Variants in VAC14 observed in about 807,000 individuals in gnomAD.
The protein encoded by VAC14 is VAC14 component of PIKFYVE complex, also known as protein VAC14 homolog.
In VAC14, 47 loss-of-function variants were observed where a neutral mutation model predicts 85.3. The observed-to-expected ratio is 0.55, with a 90% confidence interval of 0.44 to 0.70. VAC14 has a LOEUF of 0.70. Ranked by LOEUF, VAC14 falls within the 30% of genes least tolerant of loss-of-function variation. The probability of loss-of-function intolerance (pLI) is 0.00; values close to 1 mark genes in which losing one functional copy is unlikely to be tolerated. For missense variants in VAC14, 861 were observed against 1,004.3 expected, an observed-to-expected ratio of 0.86 and a Z score of 1.93; for synonymous variants, 447 against 430.5, an observed-to-expected ratio of 1.04 and a Z score of -0.47.
chr16:70,785,801 C>G lies in VAC14; in HGVS notation c.324G>C (p.Arg108Ser), dbSNP rs759921037. 2 of 1,598,878 alleles carry G rather than the reference C, an allele frequency of 1.3e-6. No homozygotes were observed. The highest frequency in any genetic ancestry group is 1.7e-6 in the Non-Finnish European group (2 of 1,171,622). The stretch of plus-strand genomic sequence containing the variant: ...GGGCCTCGCAGGCATAGTAGCGCAG[C>G]CTGCTGTCTGCATCATTGAAGCAGG... ...VLTCFNDADS[R>S]LRYYACEALY... The change falls in exon 3 of 19, where the codon AGG (arginine) becomes AGC (serine). Residue 108 changes from arginine to serine, a missense_variant. Transcript: ENST00000261776.
intron 12 of VAC14, among the ~76,000 whole-genome samples, chr16:70,751,661 T>C (rs2031396823): frequency 6.6e-6 from 1 of 152,194 alleles, no homozygotes; most frequent in Non-Finnish European, 1.5e-5. Flanking sequence ...TTAGGGGCAT[T>C]AGCCAGAGAG....
chr16:70,794,988 A>G (rs1454051124), intron 1 of VAC14, among the ~76,000 whole-genome samples: 3 of 152,256 alleles, frequency 2.0e-5, no homozygotes, highest in African/African-American at 7.2e-5. Flanking sequence ...ATTGGGGTAC[A>G]CACATACCAC....
intron 14 of VAC14, among the ~76,000 whole-genome samples, chr16:70,700,971 G>A (rs538329304): frequency 3.9e-5 from 6 of 152,340 alleles, no homozygotes; most frequent in East Asian, 1.9e-4. Context: ...AGGAGGGTGC[G>A]GAGGGAGGGA....
intron 12 of VAC14, among the ~76,000 whole-genome samples, chr16:70,746,106 G>A (rs778264578): frequency 7.2e-5 from 11 of 152,214 alleles, no homozygotes; most frequent in Non-Finnish European, 1.3e-4. Flanking sequence ...AGCCATTCCT[G>A]TCAATGCAAA....
chr16:70,773,748 C>T (rs1211861478), intron 9 of VAC14, among the ~76,000 whole-genome samples: 1 of 151,618 alleles, frequency 6.6e-6, no homozygotes, highest in African/African-American at 2.4e-5. Context: ...TGTACATACC[C>T]ATAGTTCAAT....
At chr16:70,700,546 G>A (rs921309658) in intron 14 of VAC14, among the ~76,000 whole-genome samples, 18 of 152,184 alleles carry the variant, frequency 1.2e-4, no homozygotes, top group African/African-American at 2.9e-4. Context: ...GCCTGAGGAC[G>A]AGGAACAAGC....
At chr16:70,711,144 T>G (rs904987595) in intron 14 of VAC14, among the ~76,000 whole-genome samples, 4 of 152,196 alleles carry the variant, frequency 2.6e-5, no homozygotes, top group Non-Finnish European at 5.9e-5. Context: ...ATACCCTAAC[T>G]GAGGAACCCC....
Position 70,720,613 on chromosome 16 carries a change from A to G in VAC14, c.1661+10882T>C, listed in dbSNP as rs769456204. 3.3e-5 allele frequency among the ~76,000 whole-genome samples: 5 copies of G among 152,338 alleles called. No homozygotes were observed. The East Asian group carries it at 5.8e-4, about 18-fold the overall frequency. On this transcript the variant is annotated intron_variant, in intron 14 of 18. Coordinates refer to ENST00000261776, the MANE Select transcript of VAC14 (RefSeq NM_018052.5). ...GATGACTGTTCTTCCTTCAGAGGGA[A>G]AGGAGTGGATATGCAAATAGCAAGC...
intron 14 of VAC14, chr16:70,714,306 G>T (rs1205159367): frequency 2.0e-5 from 3 of 152,248 alleles, no homozygotes; most frequent in African/African-American, 7.2e-5. Context: ...TCCCGCGAGG[G>T]TCAGGGACTG....
Position 70,723,996 on chromosome 16 carries a change from C to T in VAC14, c.1661+7499G>A, listed in dbSNP as rs138105036. Among the ~76,000 whole-genome samples, 568 of 152,204 alleles carry T rather than the reference C, an allele frequency of 3.7e-3. 2 individuals carry two copies. The highest frequency in any genetic ancestry group is 0.015 in the South Asian group (71 of 4,830). ...AGGGGTCACCCTGAAGGACACATGG[C>T]CACCTCTTGCCAAGTTCACCTGTGA... On this transcript the variant is annotated intron_variant, in intron 14 of 18. Transcript: ENST00000261776.
chr16:70,784,059 A>G (rs1163303182), intron 5 of VAC14, 54 bp downstream of exon 5: 1 of 1,454,212 alleles, frequency 6.9e-7, no homozygotes, highest in Non-Finnish European at 9.7e-7. Context: ...AGTGTGCTAG[A>G]GAGCAGATTT....
intron 10 of VAC14, among the ~76,000 whole-genome samples, chr16:70,763,392 C>G (rs1452740699): frequency 6.6e-6 from 1 of 152,214 alleles, no homozygotes; most frequent in African/African-American, 2.4e-5. Context: ...AGGAGAAACC[C>G]TCTCCCAGTC....
At position 70,736,892 on chromosome 16, in the gene VAC14, G is replaced by A. The variant is rs374593408; in HGVS notation, c.1529-5265C>T. 3.5e-5 allele frequency among the ~76,000 whole-genome samples: 5 copies of A among 144,640 alleles called. No individual in the cohort carries two copies. In the South Asian group the frequency reaches 1.2e-3, roughly 35 times the overall value. 94.9% of individuals were successfully genotyped at this position (144,640 alleles called of 152,430 possible). A position where few individuals can be genotyped will look rare whatever the true frequency, so the allele number is the denominator to read the frequency against. ...GGAGGTGGGGAAAGGGGCCACACTTGAAGGGGCAGGGAGGGCGGGCTGGAC... is the reference window on the plus strand; with the variant it reads ...GGAGGTGGGGAAAGGGGCCACACTTAAAGGGGCAGGGAGGGCGGGCTGGAC... On this transcript the variant is annotated intron_variant, in intron 13 of 18. Coordinates refer to ENST00000261776, the MANE Select transcript of VAC14 (RefSeq NM_018052.5).
Position 70,778,066 on chromosome 16 carries a change from C to T in VAC14, c.1096+2724G>A, listed in dbSNP as rs576796054. On this transcript the variant is annotated intron_variant, in intron 9 of 18. Coordinates refer to ENST00000261776, the MANE Select transcript of VAC14 (RefSeq NM_018052.5). ...TCTCTGGGAACTAGTACAAAGTGAG[C>T]TTTTCATCTGCTGAAATGCTGTTTA... Among the ~76,000 whole-genome samples, 9 of 152,302 alleles carry T rather than the reference C, an allele frequency of 5.9e-5. No individual in the cohort carries two copies. The South Asian group carries it at 1.9e-3, about 32-fold the overall frequency.
chr16:70,759,112 G>A (rs2032108372), intron 12 of VAC14, among the ~76,000 whole-genome samples: 1 of 152,196 alleles, frequency 6.6e-6, no homozygotes, highest in South Asian at 2.1e-4. Context: ...AGGCTCTGCT[G>A]CGCCAGCTCT....
chr16:70,744,531 C>A lies in VAC14; in HGVS notation c.1420G>T (p.Ala474Ser), dbSNP rs770285832. The change falls in exon 13 of 19, where the codon GCA (alanine) becomes TCA (serine). Residue 474 changes from alanine to serine, a missense_variant. Physicochemically the swap from Ala to Ser is moderately conservative, Grantham distance 99. This residue lies in a region of VAC14 where 629 missense variants were observed against 703.1 expected (regional missense o/e 0.89). Transcript: ENST00000261776. ...EVLAEIASSP[A>S]GQTDDPGPLD... ...GGGCCTGGGTCATCCGTCTGGCCTG[C>A]GGGGGAGGAAGCGATTTCTGCCAGC... The A allele has an allele frequency of 9.3e-6, 15 of 1,611,004 alleles. No homozygotes were observed. In the East Asian group the frequency reaches 2.9e-4, roughly 31 times the overall value.
chr16:70,752,913 C>T (rs1230728975), intron 12 of VAC14, among the ~76,000 whole-genome samples: 3 of 152,118 alleles, frequency 2.0e-5, no homozygotes, highest in South Asian at 2.1e-4. Flanking sequence ...TAACAGGCCA[C>T]GATGGAGAGG....
At chr16:70,712,957 T>C (rs530618972) in intron 14 of VAC14, among the ~76,000 whole-genome samples, 1 of 152,272 alleles carries the variant, frequency 6.6e-6, no homozygotes, top group African/African-American at 2.4e-5. Flanking sequence ...AGTGGAGCTT[T>C]CCTCTCTAGA....
chr16:70,741,232 T>A (rs984197598), intron 13 of VAC14, among the ~76,000 whole-genome samples: 1 of 152,232 alleles, frequency 6.6e-6, no homozygotes, highest in Admixed American at 6.5e-5. Context: ...CATGGCCAGA[T>A]GGAAACAGAC....
Sources: gnomAD v4.1 joint callset for allele counts (sites outside exome capture counted in the v4.1 genomes callset) on GRCh38, gnomAD v4.1.1 for gene constraint, gnomAD v4.1.1 regional missense constraint, MANE v1.5 for transcripts, NCBI Gene and HGNC (gene_info 2026-07-23, HGNC 2026-07-21) for gene names.